TMEM131: variants seen among roughly 807,000 people sequenced by gnomAD.
TMEM131 encodes transmembrane protein 131, also known as 2610524E03Rik.
A neutral mutation model predicts 211.6 loss-of-function variants in TMEM131; 66 were observed. That is an observed-to-expected ratio of 0.31 (90% CI 0.26 to 0.38). The LOEUF (loss-of-function observed/expected upper bound fraction) is 0.38. Among genes scored for constraint, TMEM131 ranks in the 10% least tolerant of loss-of-function variants. The pLI is 1.00. For synonymous variants in TMEM131, 844 were observed against 841.3 expected, an observed-to-expected ratio of 1.00 and a Z score of -0.06; for missense variants, 2,036 against 2,299.3, an observed-to-expected ratio of 0.89 and a Z score of 2.34.
chr2:97,782,924 G>A (rs897764369), intron 31 of TMEM131, among the ~76,000 whole-genome samples: 2 of 150,164 alleles, frequency 1.3e-5, no homozygotes, highest in African/African-American at 4.9e-5. Flanking sequence ...GAAACAATGG[G>A]TAAAAACTTC....
At chr2:97,765,872 GAA>G (rs373204097) in intron 35 of TMEM131, among the ~76,000 whole-genome samples, 1 of 143,970 alleles carries the variant, frequency 6.9e-6, no homozygotes. Flanking sequence ...CCAGCTCCCT[GAA>G]AAAAAAAAAG....
intron 2 of TMEM131, among the ~76,000 whole-genome samples, chr2:97,923,776 A>C (rs1676854762): frequency 6.6e-6 from 1 of 151,826 alleles, no homozygotes; most frequent in African/African-American, 2.4e-5. Flanking sequence ...TTTTTTCCTG[A>C]CCTTTATCTT....
At chr2:97,911,302 A>C (rs1559442169) in intron 2 of TMEM131, among the ~76,000 whole-genome samples, 1 of 152,186 alleles carries the variant, frequency 6.6e-6, no homozygotes, top group Non-Finnish European at 1.5e-5. Context: ...AGGAGCGTAA[A>C]GGGATTACCA....
At chr2:97,987,610 C>T (rs74745875) in intron 1 of TMEM131, among the ~76,000 whole-genome samples, 1,856 of 152,216 alleles carry the variant, frequency 0.012, 41 homozygotes, top group African/African-American at 0.041. Context: ...ACCTTAAGTA[C>T]GCAGCATTTT....
At chr2:97,862,709 TA>T (rs1022759786) in intron 4 of TMEM131, among the ~76,000 whole-genome samples, 10 of 151,296 alleles carry the variant, frequency 6.6e-5, no homozygotes, top group African/African-American at 2.4e-4. Context: ...AAAAAAGAAT[TA>T]AAAAGGAGGC....
intron 4 of TMEM131, among the ~76,000 whole-genome samples, chr2:97,860,859 T>A (rs1025065876): frequency 2.0e-5 from 3 of 152,218 alleles, no homozygotes; most frequent in Non-Finnish European, 2.9e-5. Context: ...TTTAACTTCA[T>A]ATCACTGAAA....
At chr2:97,878,667 G>C (rs117593131) in intron 4 of TMEM131, among the ~76,000 whole-genome samples, 32 of 152,090 alleles carry the variant, frequency 2.1e-4, no homozygotes, top group Admixed American at 1.2e-3. Context: ...TGGACATAGA[G>C]GGGGGAACAT....
At chr2:97,805,045 A>T (rs1325549735) in intron 22 of TMEM131, 43 bp downstream of exon 22, 2 of 1,327,322 alleles carry the variant, frequency 1.5e-6, no homozygotes, top group Non-Finnish European at 2.1e-6. Flanking sequence ...TTCAATAGTC[A>T]TCTTGTAAAG....
intron 7 of TMEM131, among the ~76,000 whole-genome samples, chr2:97,837,465 A>G (rs1049643602): frequency 7.2e-5 from 11 of 152,352 alleles, no homozygotes; most frequent in Admixed American, 1.3e-4. Context: ...AAAGGGAATC[A>G]CTTACAAAAA....
intron 5 of TMEM131, among the ~76,000 whole-genome samples, chr2:97,846,723 G>C (rs983943380): frequency 6.6e-6 from 1 of 151,924 alleles, no homozygotes; most frequent in Non-Finnish European, 1.5e-5. Context: ...TGTGGCCCAA[G>C]ACAATTCTTC....
In TMEM131 at chr2:97,830,507, A is replaced by G. The variant is rs538702778; in HGVS notation, c.1074+2858T>C. Among the ~76,000 whole-genome samples, 5 of 152,338 alleles carry G rather than the reference A, an allele frequency of 3.3e-5. No individual in the cohort carries two copies. In the South Asian group the frequency reaches 8.3e-4, roughly 25 times the overall value. The stretch of plus-strand genomic sequence containing the variant: ...TCCGGAACATTCTAAAACTGCTTAT[A>G]AAAGCACTTGAGCAAATAAGGAAAA... On this transcript the variant is annotated intron_variant, in intron 11 of 40. Coordinates refer to ENST00000186436, the MANE Select transcript of TMEM131 (RefSeq NM_015348.2).
chr2:97,950,390 A>G (rs1678254936), intron 1 of TMEM131, among the ~76,000 whole-genome samples: 1 of 152,198 alleles, frequency 6.6e-6, no homozygotes, highest in South Asian at 2.1e-4. Flanking sequence ...TCAAAGTTTG[A>G]AGATAGCAGT....
chr2:97,887,412 T>C (rs1221468800), intron 4 of TMEM131, among the ~76,000 whole-genome samples: 2 of 152,196 alleles, frequency 1.3e-5, no homozygotes, highest in African/African-American at 4.8e-5. Flanking sequence ...TGCAGGGCCA[T>C]TGGGCAGGCC....
intron 4 of TMEM131, among the ~76,000 whole-genome samples, chr2:97,874,693 CAGGCCTGCCTTACAAGAGCTCCTGA>C (rs1245351198): frequency 2.6e-5 from 4 of 152,168 alleles, no homozygotes; most frequent in African/African-American, 9.7e-5. Context: ...CTGTCACCAC[CAGGCCTGCCTTACAAGAGCTCCTGA>C]AGGAAGCACT....
At chr2:97,956,113 T>C (rs1678554308) in intron 1 of TMEM131, among the ~76,000 whole-genome samples, 1 of 152,142 alleles carries the variant, frequency 6.6e-6, no homozygotes, top group Non-Finnish European at 1.5e-5. Context: ...ATTATTCTAG[T>C]AATAGAGTAC....
intron 1 of TMEM131, among the ~76,000 whole-genome samples, chr2:97,941,350 A>T (rs1478292005): frequency 3.9e-5 from 6 of 152,222 alleles, no homozygotes; most frequent in African/African-American, 1.2e-4. Flanking sequence ...CTTACATGTT[A>T]GACCTAAAAC....
chr2:97,923,891 T>C (rs1301225404), intron 2 of TMEM131, among the ~76,000 whole-genome samples: 2 of 151,806 alleles, frequency 1.3e-5, no homozygotes, highest in Admixed American at 1.3e-4. Context: ...CCATCCTGGC[T>C]AACACGGTGA....
At chr2:97,793,949 G>GT (rs1269479294) in intron 29 of TMEM131, among the ~76,000 whole-genome samples, 1 of 125,678 alleles carries the variant, frequency 8.0e-6, no homozygotes, top group Non-Finnish European at 1.6e-5. Flanking sequence ...AGCCGAGATC[G>GT]TGCCACTGCA....
intron 5 of TMEM131, among the ~76,000 whole-genome samples, chr2:97,851,335 A>G (rs1366986470): frequency 1.3e-5 from 2 of 152,162 alleles, no homozygotes; most frequent in Non-Finnish European, 2.9e-5. Flanking sequence ...TCTTCAATTC[A>G]GCTGACTCAA....
Sources: gnomAD v4.1 joint callset for allele counts (sites outside exome capture counted in the v4.1 genomes callset) on GRCh38, gnomAD v4.1.1 for gene constraint, MANE v1.5 for transcripts, NCBI Gene and HGNC (gene_info 2026-07-23, HGNC 2026-07-21) for gene names.